NNT: variants seen among roughly 807,000 people sequenced by gnomAD.
NNT encodes the protein nicotinamide nucleotide transhydrogenase, also known as NAD(P) transhydrogenase, mitochondrial.
A neutral mutation model predicts 104.8 loss-of-function variants in NNT; 50 were observed. That is an observed-to-expected ratio of 0.48 (90% CI 0.38 to 0.60). The LOEUF (loss-of-function observed/expected upper bound fraction) is 0.60. Ranked by LOEUF, NNT falls within the 20% of genes least tolerant of loss-of-function variation. The pLI is 0.00. For missense variants in NNT, 1,131 were observed against 1,330.7 expected, an observed-to-expected ratio of 0.85 and a Z score of 2.33; for synonymous variants, 461 against 490.4, an observed-to-expected ratio of 0.94 and a Z score of 0.79.
chr5:43,693,217 T>C (rs557051690), intron 19 of NNT, among the ~76,000 whole-genome samples: 2 of 152,344 alleles, frequency 1.3e-5, no homozygotes, highest in South Asian at 4.1e-4. Context: ...ATTCATCATG[T>C]CTTTTCTCAA....
At chr5:43,642,260 T>C (rs1435916682) in intron 7 of NNT, among the ~76,000 whole-genome samples, 3 of 152,146 alleles carry the variant, frequency 2.0e-5, no homozygotes, top group Admixed American at 6.5e-5. Context: ...GGTAGCCCTT[T>C]AAATGCGCCC....
chr5:43,700,195 G>A lies in NNT; in HGVS notation c.2953G>A (p.Asp985Asn), dbSNP rs766614163. 1.2e-6 allele frequency: 2 copies of A among 1,613,766 alleles called. No individual in the cohort carries two copies. The highest frequency in any genetic ancestry group is 2.2e-5 in the South Asian group (2 of 91,006). ...VLLAEAGVPY[D>N]IVLEMDEINH... ...GCTGGCTGAGGCTGGTGTGCCATAT[G>A]ACATTGTGTTGGAAATGGATGAGAT... The change falls in exon 20 of 22, where the codon GAC (aspartate) becomes AAC (asparagine). Residue 985 changes from aspartate to asparagine, a missense_variant. Asp to Asn is a conservative substitution (Grantham distance 23). Coordinates refer to ENST00000344920, the MANE Select transcript of NNT (RefSeq NM_182977.3).
At position 43,677,817 on chromosome 5, in the gene NNT, G is replaced by T. The variant is rs762248503; in HGVS notation, c.2876+11G>T. 4 of 1,602,030 alleles carry T rather than the reference G, an allele frequency of 2.5e-6. No homozygotes were observed. The highest frequency in any genetic ancestry group is 3.3e-5 in the Admixed American group (2 of 59,962). Reference sequence around the variant, plus strand: ...AGGCAAAAAAGTCAGGTAAGCGTTTGCAGTGGAGAGGCTTGCACTATGTGT... The same window carrying T: ...AGGCAAAAAAGTCAGGTAAGCGTTTTCAGTGGAGAGGCTTGCACTATGTGT... On this transcript the variant is annotated intron_variant, in intron 19 of 21. Transcript: ENST00000344920.
chr5:43,677,941 C>G lies in NNT; in HGVS notation c.2876+135C>G, dbSNP rs1741509413. On this transcript the variant is annotated intron_variant, in intron 19 of 21. Coordinates refer to ENST00000344920, the MANE Select transcript of NNT (RefSeq NM_182977.3). ...CATACAATTAAAAATCCATATATAA[C>G]TTTTGACTCTCCAAAAACTTACCTA... 6.2e-6 allele frequency: 4 copies of G among 640,360 alleles called. 1 individual carries two copies. Among genetic ancestry groups the G allele is most frequent in the Non-Finnish European group, 8.1e-6 (3 of 371,266 alleles). The allele number at this position is 640,360 out of a possible 1,614,324, so 39.7% of individuals were successfully genotyped here.
chr5:43,683,780 AT>A (rs1741843244), intron 19 of NNT, among the ~76,000 whole-genome samples: 1 of 152,212 alleles, frequency 6.6e-6, no homozygotes, highest in East Asian at 1.9e-4. Flanking sequence ...AGAATGTAAT[AT>A]TCAAGAGTTA....
At position 43,704,242 on chromosome 5, in the gene NNT, C is replaced by T. The variant is rs144713872; in HGVS notation, c.3112-13C>T. 155 of 1,537,934 alleles carry T rather than the reference C, an allele frequency of 1.0e-4. 2 individuals carry two copies. In the East Asian group the frequency reaches 3.5e-3, roughly 35 times the overall value. On this transcript the variant is annotated splice_polypyrimidine_tract_variant and intron_variant, in intron 21 of 21. Coordinates refer to ENST00000344920, the MANE Select transcript of NNT (RefSeq NM_182977.3). ...TGTTAAATACACTCTCTCATTTAATCTCTGGTTCTCAGGTGATTGTTATGA... is the reference window on the plus strand; with the variant it reads ...TGTTAAATACACTCTCTCATTTAATTTCTGGTTCTCAGGTGATTGTTATGA...
chr5:43,691,815 A>T (rs1742300095), intron 19 of NNT, among the ~76,000 whole-genome samples: 1 of 152,212 alleles, frequency 6.6e-6, no homozygotes, highest in African/African-American at 2.4e-5. Flanking sequence ...AGGGCTCTAG[A>T]ATTTAATTAT....
rs1268441927 is a variant in NNT at position 43,612,918 on chromosome 5, T to C, written c.162T>C (p.Tyr54=). 15 of 1,610,568 alleles carry C rather than the reference T, an allele frequency of 9.3e-6. No individual in the cohort carries two copies. Among genetic ancestry groups the C allele is most frequent in the Non-Finnish European group, 1.2e-5 (14 of 1,177,238 alleles). Residue 54 remains tyrosine, a synonymous_variant, in exon 3 of 22, where the codon TAT becomes TAC. Coordinates refer to ENST00000344920, the MANE Select transcript of NNT (RefSeq NM_182977.3). The part of the protein sequence containing the change: ...CKAPVKPGIP[Y]KQLTVGVPKE... ...TTTGCTTGTTTCTAGGAATTCCATA[T>C]AAGCAACTGACTGTTGGAGTCCCCA... is the stretch of plus-strand genomic sequence containing the variant.
rs375115574 is a variant in NNT, at chr5:43,641,792, G to A, written c.965-2400G>A. ...GAAAGAATATGCTATTGTTTTAAAA[G>A]TGATTGAATTTCTGAGCAATAATAG... On this transcript the variant is annotated intron_variant, in intron 7 of 21. Coordinates refer to ENST00000344920, the MANE Select transcript of NNT (RefSeq NM_182977.3). Among the ~76,000 whole-genome samples the A allele has an allele frequency of 5.5e-4, 83 of 152,280 alleles. 1 individual carries two copies. In the East Asian group the frequency reaches 0.013, roughly 24 times the overall value.
rs1355191512 is a variant in NNT at position 43,656,646 on chromosome 5, G to A, written c.2294-7G>A. The A allele has an allele frequency of 6.2e-7, 1 of 1,606,802 alleles. No individual in the cohort carries two copies. The highest frequency in any genetic ancestry group is 8.5e-7 in the Non-Finnish European group (1 of 1,177,588). On this transcript the variant is annotated splice_region_variant and splice_polypyrimidine_tract_variant and intron_variant, in intron 15 of 21. Transcript: ENST00000344920. ...CTGAATTGTAACTACTATGTGCTTGGCTCTAGGTCTCCTGAAATCTGCCCC... is the reference window on the plus strand; with the variant it reads ...CTGAATTGTAACTACTATGTGCTTGACTCTAGGTCTCCTGAAATCTGCCCC...
intron 19 of NNT, among the ~76,000 whole-genome samples, chr5:43,689,479 T>TA (rs1283605675): frequency 4.6e-5 from 7 of 152,340 alleles, no homozygotes; most frequent in Admixed American, 3.3e-4. Flanking sequence ...AGCCAATGTC[T>TA]AGAAGGGTTT....
At chr5:43,689,935 CTT>C (rs1580120152) in intron 19 of NNT, among the ~76,000 whole-genome samples, 1 of 151,804 alleles carries the variant, frequency 6.6e-6, no homozygotes, top group East Asian at 1.9e-4. Context: ...AAAGATAAGC[CTT>C]TTGAATTAAC....
chr5:43,644,094 G>T, intron 7 of NNT, 98 bp from the exon 8 acceptor site: 2 of 1,175,634 alleles, frequency 1.7e-6, no homozygotes. Flanking sequence ...AATTTCAGAT[G>T]TTAAATTCCT....
chr5:43,697,842 C>T (rs145992514), intron 19 of NNT, among the ~76,000 whole-genome samples: 3 of 152,140 alleles, frequency 2.0e-5, no homozygotes, highest in Non-Finnish European at 4.4e-5. Flanking sequence ...GAAACTTATT[C>T]ACTATCACGA....
intron 7 of NNT, among the ~76,000 whole-genome samples, chr5:43,635,557 A>G (rs191236010): frequency 2.0e-5 from 3 of 152,278 alleles, no homozygotes; most frequent in African/African-American, 7.2e-5. Context: ...ATAACAAAAT[A>G]CCACAGACCT....
rs982481456 is a variant in NNT at position 43,628,450 on chromosome 5, G to A, written c.964+63G>A. 8.6e-5 allele frequency: 105 copies of A among 1,225,382 alleles called. 1 individual carries two copies. Among genetic ancestry groups the A allele is most frequent in the Middle Eastern group, 5.6e-4 (2 of 3,550 alleles). 75.9% of individuals were successfully genotyped at this position (1,225,382 alleles called of 1,614,324 possible). A position where few individuals can be genotyped will look rare whatever the true frequency, so the allele number is the denominator to read the frequency against. ...TTACTCTTTTTTTTTAAAAAAAAGCGAGAGTGAATGATTGCTTAACATTTG... is the reference window on the plus strand; with the variant it reads ...TTACTCTTTTTTTTTAAAAAAAAGCAAGAGTGAATGATTGCTTAACATTTG... On this transcript the variant is annotated intron_variant, in intron 7 of 21. Coordinates refer to ENST00000344920, the MANE Select transcript of NNT (RefSeq NM_182977.3).
rs1743022638 is a variant in NNT, at chr5:43,704,608, A to G, written c.*204A>G. 4 of 474,876 alleles carry G rather than the reference A, an allele frequency of 8.4e-6. No individual in the cohort carries two copies. Among genetic ancestry groups the G allele is most frequent in the South Asian group, 3.2e-5 (1 of 31,008 alleles). 29.4% of individuals were successfully genotyped at this position (474,876 alleles called of 1,614,324 possible). ...ATTTTAAAAAAGGATTGAAAATTCT[A>G]AATGTCTTTCTGTGCATATTTTTTG... On this transcript the variant is annotated 3_prime_UTR_variant, in exon 22 of 22. Transcript: ENST00000344920.
chr5:43,643,532 G>T (rs1751344490), intron 7 of NNT, among the ~76,000 whole-genome samples: 2 of 152,110 alleles, frequency 1.3e-5, no homozygotes, highest in South Asian at 4.2e-4. Context: ...GCATAGATAG[G>T]GCTTGACTCA....
chr5:43,684,281 T>TAGC (rs1320562701), intron 19 of NNT, among the ~76,000 whole-genome samples: 1 of 151,014 alleles, frequency 6.6e-6, no homozygotes, highest in Non-Finnish European at 1.5e-5. Flanking sequence ...AGAAACAGAG[T>TAGC]AGCAGTTCAG....
Sources: gnomAD v4.1 joint callset for allele counts (sites outside exome capture counted in the v4.1 genomes callset) on GRCh38, gnomAD v4.1.1 for gene constraint, MANE v1.5 for transcripts, NCBI Gene and HGNC (gene_info 2026-07-23, HGNC 2026-07-21) for gene names.